The following STXBP5L variants were observed in gnomAD, a reference collection of about 807,000 sequenced individuals.
STXBP5L encodes the protein syntaxin-binding protein 5-like.
STXBP5L carries 65 observed loss-of-function variants against 144.5 expected under a neutral mutation model. The ratio of observed to expected loss-of-function variants is 0.45; its 90% confidence interval spans 0.37 to 0.55. STXBP5L has a LOEUF of 0.55. Among genes scored for constraint, STXBP5L ranks in the 20% least tolerant of loss-of-function variants. The pLI is 0.00. For synonymous variants in STXBP5L, 505 were observed against 469.6 expected (o/e 1.08, Z -0.97); for missense variants, 1,298 against 1,405.5 (o/e 0.92, Z 1.22).
At chr3:121,298,203 G>A (rs2051737102) in intron 19 of STXBP5L, among the ~76,000 whole-genome samples, 1 of 152,088 alleles carries the variant, frequency 6.6e-6, no homozygotes, top group Non-Finnish European at 1.5e-5. Flanking sequence ...ACAGGTATGA[G>A]GTGATATCTC....
At chr3:121,121,759 G>A (rs1300247064) in intron 7 of STXBP5L, 55 bp downstream of exon 7, 3 of 1,347,508 alleles carry the variant, frequency 2.2e-6, no homozygotes, top group Non-Finnish European at 3.1e-6. Flanking sequence ...CTTGAAAAAA[G>A]GTGTTTCTTA....
intron 19 of STXBP5L, among the ~76,000 whole-genome samples, chr3:121,283,644 G>T (rs1559934304): frequency 6.6e-6 from 1 of 151,866 alleles, no homozygotes; most frequent in Non-Finnish European, 1.5e-5. Flanking sequence ...CACTACAATG[G>T]CAGAGTTGAG....
chr3:121,365,046 C>A (rs1389124520), intron 20 of STXBP5L, among the ~76,000 whole-genome samples: 1 of 151,626 alleles, frequency 6.6e-6, no homozygotes, highest in African/African-American at 2.4e-5. Context: ...TAATTTGTAA[C>A]CTTAATATAT....
At chr3:120,971,554 G>A (rs1341686365) in intron 3 of STXBP5L, among the ~76,000 whole-genome samples, 5 of 151,400 alleles carry the variant, frequency 3.3e-5, no homozygotes, top group African/African-American at 1.2e-4. Context: ...TAGGATAGTG[G>A]CCTCCAGTTC....
intron 16 of STXBP5L, 117 bp from the exon 17 acceptor site, chr3:121,257,044 A>C: frequency 1.3e-6 from 1 of 763,324 alleles, no homozygotes; most frequent in Non-Finnish European, 2.0e-6. Context: ...AAACTGTGTG[A>C]ATGATTCCTA....
At chr3:121,049,054 C>G (rs981905927) in intron 5 of STXBP5L, among the ~76,000 whole-genome samples, 3 of 151,908 alleles carry the variant, frequency 2.0e-5, no homozygotes, top group Non-Finnish European at 2.9e-5. Flanking sequence ...CAGAAAAGCA[C>G]AGAGCTGCTA....
At chr3:120,997,367 A>G (rs1943434378) in intron 3 of STXBP5L, among the ~76,000 whole-genome samples, 1 of 152,188 alleles carries the variant, frequency 6.6e-6, no homozygotes, top group Non-Finnish European at 1.5e-5. Context: ...AATTCTCCAA[A>G]CTGATTTCCA....
At chr3:121,075,805 G>T (rs1054959934) in intron 5 of STXBP5L, among the ~76,000 whole-genome samples, 1 of 152,174 alleles carries the variant, frequency 6.6e-6, no homozygotes, top group South Asian at 2.1e-4. Flanking sequence ...GTCCCAGTTT[G>T]GGTCAGCGTC....
intron 19 of STXBP5L, among the ~76,000 whole-genome samples, chr3:121,312,555 G>C (rs1480721971): frequency 7.2e-6 from 1 of 139,034 alleles, no homozygotes. Flanking sequence ...AAGGTCAGCA[G>C]ATAAACAAGT....
rs955983872 is a variant in STXBP5L, at chr3:121,420,163, G to A, written c.*1066G>A. The A allele has an allele frequency of 2.8e-4, 42 of 152,242 alleles. No individual in the cohort carries two copies. The highest frequency in any genetic ancestry group is 1.0e-3 in the African/African-American group (42 of 41,552). 9.4% of individuals were successfully genotyped at this position (152,242 alleles called of 1,614,324 possible). On this transcript the variant is annotated 3_prime_UTR_variant, in exon 27 of 27. Coordinates refer to ENST00000471454, the MANE Select transcript of STXBP5L (RefSeq NM_001308330.2). Reference sequence around the variant, plus strand: ...TGGTCATTCTCTTTAGTGTGATTCAGTAAAATCTCAGTTAATGTTTTGGGA... The same window carrying A: ...TGGTCATTCTCTTTAGTGTGATTCAATAAAATCTCAGTTAATGTTTTGGGA...
At chr3:121,091,813 C>T (rs1245284415) in intron 5 of STXBP5L, among the ~76,000 whole-genome samples, 1 of 152,096 alleles carries the variant, frequency 6.6e-6, no homozygotes, top group African/African-American at 2.4e-5. Flanking sequence ...TCTTTTATTG[C>T]CATTGCTTTT....
chr3:121,314,009 C>T (rs1257465743), intron 19 of STXBP5L, among the ~76,000 whole-genome samples: 1 of 151,822 alleles, frequency 6.6e-6, no homozygotes, highest in African/African-American at 2.4e-5. Context: ...GGCGGCCAGG[C>T]AGAGACGCTC....
intron 5 of STXBP5L, among the ~76,000 whole-genome samples, chr3:121,066,826 A>G (rs1191417378): frequency 1.6e-4 from 25 of 152,258 alleles, no homozygotes. Flanking sequence ...ATTCACCAGT[A>G]AAGCAATGTA....
intron 5 of STXBP5L, among the ~76,000 whole-genome samples, chr3:121,057,836 C>G (rs938387339): frequency 1.4e-4 from 22 of 151,866 alleles, no homozygotes; most frequent in Non-Finnish European, 2.9e-4. Flanking sequence ...CTTTTTATAT[C>G]TCTTTTTTCT....
At chr3:121,080,189 C>T (rs547299657) in intron 5 of STXBP5L, among the ~76,000 whole-genome samples, 2 of 152,204 alleles carry the variant, frequency 1.3e-5, no homozygotes, top group East Asian at 3.9e-4. Flanking sequence ...ATGTTTCCAG[C>T]TCTTTACCTT....
intron 10 of STXBP5L, among the ~76,000 whole-genome samples, chr3:121,210,582 T>C (rs558012806): frequency 6.6e-6 from 1 of 152,348 alleles, no homozygotes; most frequent in South Asian, 2.1e-4. Context: ...TTTAAGTCTT[T>C]AATCCATCTT....
At chr3:121,412,946 A>G (rs2108750669) in intron 23 of STXBP5L, among the ~76,000 whole-genome samples, 1 of 152,118 alleles carries the variant, frequency 6.6e-6, no homozygotes, top group East Asian at 1.9e-4. Context: ...AGGCGTGAGA[A>G]TCACTTGAAC....
chr3:121,031,145 C>A (rs1481849917), intron 3 of STXBP5L, among the ~76,000 whole-genome samples: 3 of 151,916 alleles, frequency 2.0e-5, no homozygotes, highest in African/African-American at 7.3e-5. Context: ...TGATTAAAAC[C>A]CCATAAGGAA....
At chr3:120,923,958 G>A (rs1292560182) in intron 2 of STXBP5L, among the ~76,000 whole-genome samples, 1 of 151,986 alleles carries the variant, frequency 6.6e-6, no homozygotes, top group Non-Finnish European at 1.5e-5. Context: ...CAACACATTT[G>A]TAGGAACAGA....
Sources: allele counts gnomAD v4.1 joint callset (sites outside exome capture counted in the v4.1 genomes callset), GRCh38; gene constraint gnomAD v4.1.1; transcripts MANE v1.5; gene names NCBI Gene and HGNC (gene_info 2026-07-23, HGNC 2026-07-21).